The following CDKL2 variants were observed in gnomAD, a reference collection of about 807,000 sequenced individuals.
CDKL2 encodes cyclin dependent kinase like 2, also known as cyclin-dependent kinase-like 2.
CDKL2 carries 64 observed loss-of-function variants against 63.9 expected under a neutral mutation model. That is an observed-to-expected ratio of 1.00 (90% CI 0.82 to 1.23). The LOEUF (loss-of-function observed/expected upper bound fraction) is 1.23. Ranked by LOEUF, CDKL2 falls within the 50% of genes most tolerant of loss-of-function variation. CDKL2 has a pLI of 0.00. For synonymous variants in CDKL2, 211 were observed against 229.2 expected, an observed-to-expected ratio of 0.92 and a Z score of 0.72; for missense variants, 656 against 668.0, an observed-to-expected ratio of 0.98 and a Z score of 0.20.
chr4:75,596,350 C>G lies in CDKL2; in HGVS notation c.1323-10G>C, dbSNP rs533248303. The G allele has an allele frequency of 2.7e-6, 4 of 1,477,064 alleles. No individual in the cohort carries two copies. Among genetic ancestry groups the G allele is most frequent in the African/African-American group, 1.4e-5 (1 of 70,264 alleles). The allele number at this position is 1,477,064 out of a possible 1,614,324, so 91.5% of individuals were successfully genotyped here. A position where few individuals can be genotyped will look rare whatever the true frequency, so the allele number is the denominator to read the frequency against. On this transcript the variant is annotated splice_polypyrimidine_tract_variant and intron_variant, in intron 9 of 13. Transcript: ENST00000307465. ...AGTTTTCTCATCCACTCTGTAACGA[C>G]AAAAAAAAATGTTTTTAAGTTAGAA...
At chr4:75,618,239 CTTTTTTTTTTTTTT>C (rs56002333) in intron 2 of CDKL2, among the ~76,000 whole-genome samples, 70 of 52,956 alleles carry the variant, frequency 1.3e-3, no homozygotes, top group African/African-American at 5.3e-3. Flanking sequence ...ATTGAAAATT[CTTTTTTTTTTTTTT>C]TTTTTTTTTT....
intron 1 of CDKL2, among the ~76,000 whole-genome samples, chr4:75,629,394 A>G (rs576979247): frequency 5.9e-5 from 9 of 152,336 alleles, no homozygotes; most frequent in Non-Finnish European, 1.2e-4. Context: ...GACACACCAC[A>G]TTGAACACAC....
At chr4:75,611,458 C>CA (rs71203834) in intron 3 of CDKL2, among the ~76,000 whole-genome samples, 2,062 of 76,288 alleles carry the variant, frequency 0.027, 46 homozygotes, top group South Asian at 0.042. Context: ...GATTCTGTCT[C>CA]AAAAAAAAAA....
At chr4:75,617,814 G>A (rs1425389279) in intron 2 of CDKL2, among the ~76,000 whole-genome samples, 2 of 152,106 alleles carry the variant, frequency 1.3e-5, no homozygotes, top group African/African-American at 2.4e-5. Context: ...AATTAAAACA[G>A]ACTATCGGCC....
Position 75,599,548 on chromosome 4 carries a change from CAAAAAAAAA to C in CDKL2, c.884+724_884+732del, listed in dbSNP as rs71657365. The stretch of plus-strand genomic sequence containing the variant: ...TGCACTCCAGCCTGGGCAACAAGAG[CAAAAAAAAA>C]AAAAAAAAAAAAAGAAACTACCACT... On this transcript the variant is annotated intron_variant, in intron 7 of 13. Transcript: ENST00000307465. 8.6e-5 allele frequency among the ~76,000 whole-genome samples: 6 copies of C among 69,654 alleles called. No individual in the cohort carries two copies. In the South Asian group the frequency reaches 3.0e-3, roughly 35 times the overall value. 45.7% of individuals were successfully genotyped at this position (69,654 alleles called of 152,430 possible).
At chr4:75,602,642 A>C (rs1435308786) in intron 6 of CDKL2, among the ~76,000 whole-genome samples, 1 of 151,918 alleles carries the variant, frequency 6.6e-6, no homozygotes, top group African/African-American at 2.4e-5. Flanking sequence ...CTGTCTCAGC[A>C]TCCCGAGTAG....
At chr4:75,580,262 AAAAT>A (rs142753931) in intron 13 of CDKL2, among the ~76,000 whole-genome samples, 22,787 of 152,080 alleles carry the variant, frequency 0.15, 1,819 homozygotes, top group South Asian at 0.35. Context: ...CCGTCTCAAA[AAAAT>A]AAATAAATAC....
Position 75,581,729 on chromosome 4 carries a change from C to T in CDKL2, c.*23+81G>A, listed in dbSNP as rs577966672. The T allele has an allele frequency of 4.5e-4, 314 of 694,234 alleles. 1 individual carries two copies. The African/African-American group carries it at 5.2e-3, about 12-fold the overall frequency. The allele number at this position is 694,234 out of a possible 1,614,324, so 43.0% of individuals were successfully genotyped here. The stretch of plus-strand genomic sequence containing the variant: ...AATCAATCACTGGAGACGGTTTCAG[C>T]TGAAAAATTGGTATTCAGCAAGCCA... On this transcript the variant is annotated intron_variant, in intron 13 of 13. Coordinates refer to ENST00000307465, the MANE Select transcript of CDKL2 (RefSeq NM_001330724.2).
intron 1 of CDKL2, among the ~76,000 whole-genome samples, chr4:75,629,664 G>A (rs1293165537): frequency 6.6e-6 from 1 of 152,160 alleles, no homozygotes; most frequent in East Asian, 1.9e-4. Context: ...AAAGGGCCGG[G>A]AGCGGTGGCT....
intron 4 of CDKL2, among the ~76,000 whole-genome samples, chr4:75,605,970 A>G (rs1177531303): frequency 1.3e-5 from 2 of 152,180 alleles, no homozygotes; most frequent in Admixed American, 6.5e-5. Flanking sequence ...AGAAACTTCA[A>G]TCATGTGACA....
rs200261492 is a variant in CDKL2, at chr4:75,596,347, C to T, written c.1323-7G>A. The T allele has an allele frequency of 4.8e-5, 76 of 1,567,512 alleles. No homozygotes were observed. Among genetic ancestry groups the T allele is most frequent in the South Asian group, 3.9e-4 (35 of 88,670 alleles). On this transcript the variant is annotated splice_polypyrimidine_tract_variant and splice_region_variant and intron_variant, in intron 9 of 13. Coordinates refer to ENST00000307465, the MANE Select transcript of CDKL2 (RefSeq NM_001330724.2). ...CTTAGTTTTCTCATCCACTCTGTAACGACAAAAAAAAATGTTTTTAAGTTA... is the reference window on the plus strand; with the variant it reads ...CTTAGTTTTCTCATCCACTCTGTAATGACAAAAAAAAATGTTTTTAAGTTA...
At chr4:75,587,942 C>T (rs1312494867) in intron 12 of CDKL2, among the ~76,000 whole-genome samples, 8 of 149,626 alleles carry the variant, frequency 5.3e-5, no homozygotes, top group South Asian at 2.1e-4. Flanking sequence ...AGGCTGGGCG[C>T]GGTGGCTCAC....
At chr4:75,588,154 C>T (rs1228041740) in intron 12 of CDKL2, among the ~76,000 whole-genome samples, 2 of 151,226 alleles carry the variant, frequency 1.3e-5, no homozygotes, top group African/African-American at 4.9e-5. Context: ...GCGGAGGTTG[C>T]CGTGAGCCGA....
chr4:75,610,304 T>C (rs1259863195), intron 3 of CDKL2, among the ~76,000 whole-genome samples: 1 of 152,114 alleles, frequency 6.6e-6, no homozygotes, highest in Non-Finnish European at 1.5e-5. Flanking sequence ...ACTCAATCTT[T>C]CTAAGTCTAT....
At position 75,596,282 on chromosome 4, in the gene CDKL2, G is replaced by A; in HGVS notation, c.1381C>T (p.Pro461Ser). The change falls in exon 10 of 14, where the codon CCA becomes TCA. Residue 461 changes from proline (P) to serine (S), a missense_variant. Pro to Ser is a moderately conservative substitution (Grantham distance 74). Transcript: ENST00000307465. Reference sequence around the variant, plus strand: ...ACATTAATGTTATAAATGCCTGATGGGGAATGTCTGTTCGGTTTAACAAAT... The same window carrying A: ...ACATTAATGTTATAAATGCCTGATGAGGAATGTCTGTTCGGTTTAACAAAT... ...IPFVKPNRHS[P>S]SGIYNINVTT... 2.5e-6 allele frequency: 4 copies of A among 1,611,908 alleles called. No individual in the cohort carries two copies. The East Asian group carries it at 8.9e-5, about 36-fold the overall frequency.
In CDKL2 at chr4:75,578,895, A is replaced by G. The variant is rs1362648954; in HGVS notation, c.*307T>C. ...TTAAAATATACAATCTCCTAACAGTAAATACACATTCATGTAACAAGAACC... is the reference window on the plus strand; with the variant it reads ...TTAAAATATACAATCTCCTAACAGTGAATACACATTCATGTAACAAGAACC... On this transcript the variant is annotated 3_prime_UTR_variant, in exon 14 of 14. Coordinates refer to ENST00000307465, the MANE Select transcript of CDKL2 (RefSeq NM_001330724.2). 6.6e-6 allele frequency: 1 copy of G among 152,668 alleles called. No individual in the cohort carries two copies. The highest frequency in any genetic ancestry group is 1.5e-5 in the Non-Finnish European group (1 of 68,040). 9.5% of individuals were successfully genotyped at this position (152,668 alleles called of 1,614,324 possible).
chr4:75,599,579 C>G (rs1392326391), intron 7 of CDKL2, among the ~76,000 whole-genome samples: 1 of 143,192 alleles, frequency 7.0e-6, no homozygotes, highest in East Asian at 2.2e-4. Context: ...AAGAAACTAC[C>G]ACTGTCAAGT....
chr4:75,589,625 A>G (rs1279223977), intron 12 of CDKL2, among the ~76,000 whole-genome samples: 2 of 152,148 alleles, frequency 1.3e-5, no homozygotes, highest in Non-Finnish European at 2.9e-5. Flanking sequence ...ATAAACATAT[A>G]CTTACCAAGT....
Position 75,603,868 on chromosome 4 carries a change from A to T in CDKL2, c.744T>A (p.Pro248=). 2 of 1,613,600 alleles carry T rather than the reference A, an allele frequency of 1.2e-6. No homozygotes were observed. Among genetic ancestry groups the T allele is most frequent in the South Asian group, 1.1e-5 (1 of 90,998 alleles). ...VRLPEIKERE[P]LERRYPKLSE... ...AGAGCTTAGGATAGCGTCTTTCAAG[A>T]GGTTCTCTTTCCTTGATTTCAGGCA... The change falls in exon 6 of 14, where the codon CCT becomes CCA. Residue 248 remains proline (P), a synonymous_variant. Transcript: ENST00000307465.
Sources: gnomAD v4.1 joint callset for allele counts (sites outside exome capture counted in the v4.1 genomes callset) on GRCh38, gnomAD v4.1.1 for gene constraint, MANE v1.5 for transcripts, NCBI Gene and HGNC (gene_info 2026-07-23, HGNC 2026-07-21) for gene names.